The following ABCA5 variants were observed in gnomAD, a reference collection of about 807,000 sequenced individuals.
ABCA5 encodes the protein cholesterol transporter ABCA5.
A neutral mutation model predicts 206.0 loss-of-function variants in ABCA5; 163 were observed. That is an observed-to-expected ratio of 0.79 (90% CI 0.70 to 0.90). The LOEUF (loss-of-function observed/expected upper bound fraction) is 0.90, where lower values mean the gene tolerates loss of function less well. Ranked by LOEUF, ABCA5 falls within the 40% of genes least tolerant of loss-of-function variation. The pLI is 0.00. For missense variants in ABCA5, 1,859 were observed against 1,912.9 expected (o/e 0.97, Z 0.53); for synonymous variants, 609 against 613.8 (o/e 0.99, Z 0.11).
rs769897421 is a variant in ABCA5, at chr17:69,260,362, A to G, written c.3615T>C (p.Asp1205=). ...CCGATATAACAGCTACTGAAAGCCT[A>G]TCCCATGGATTATAGGTGTCCACAT... ...RKNVDTYNPW[D]RLSVAVISPY... The change falls in exon 27 of 39, where the codon GAT becomes GAC. Residue 1205 remains aspartate, a synonymous_variant. Transcript: ENST00000392676. 6.2e-7 allele frequency: 1 copy of G among 1,607,862 alleles called. No homozygotes were observed. The highest frequency in any genetic ancestry group is 1.7e-5 in the Admixed American group (1 of 59,384).
At chr17:69,316,972 T>C (rs1035630665) in intron 1 of ABCA5, 6 of 152,208 alleles carry the variant, frequency 3.9e-5, no homozygotes, top group African/African-American at 1.4e-4. Context: ...AGGACTCAAT[T>C]GAGTACATGT....
At chr17:69,289,087 T>C (rs1036019895) in intron 14 of ABCA5, 90 bp downstream of exon 14, 58 of 1,300,126 alleles carry the variant, frequency 4.5e-5, no homozygotes, top group Non-Finnish European at 5.9e-5. Context: ...ACACTTAACC[T>C]TTACATAATG....
chr17:69,266,666 A>C (rs2075212771), intron 23 of ABCA5, among the ~76,000 whole-genome samples: 1 of 148,624 alleles, frequency 6.7e-6, no homozygotes, highest in Non-Finnish European at 1.5e-5. Context: ...AACAAGAAAG[A>C]AAATGCAAAT....
chr17:69,309,557 A>G, intron 3 of ABCA5, 134 bp from the exon 4 acceptor site: 1 of 698,686 alleles, frequency 1.4e-6, no homozygotes, highest in South Asian at 3.3e-5. Flanking sequence ...AAAAAATGAA[A>G]ACAGTCCAAG....
rs1399512246 is a variant in ABCA5 at position 69,326,857 on chromosome 17, G to A, written c.-16+195C>T. Among the ~76,000 whole-genome samples, 2 of 151,966 alleles carry A rather than the reference G, an allele frequency of 1.3e-5. No homozygotes were observed. The highest frequency in any genetic ancestry group is 4.2e-4 in the South Asian group (2 of 4,814). On this transcript the variant is annotated intron_variant, in intron 1 of 38. Coordinates refer to ENST00000392676, the MANE Select transcript of ABCA5 (RefSeq NM_172232.4). This position sits in a 1 kb window ranked among gnomAD's most constrained non-coding sequence, Gnocchi z 4.8. ...GCAACCCGCGCTTCCCGGGAGCTGA[G>A]GGAGGTCTGTTTCCCTCAGCTCGCC...
intron 8 of ABCA5, 64 bp from the exon 9 acceptor site, chr17:69,301,350 A>G (rs370531742): frequency 7.1e-7 from 1 of 1,405,302 alleles, no homozygotes; most frequent in Non-Finnish European, 9.6e-7. Context: ...AGCTAACACT[A>G]CTTAAGAGTT....
At chr17:69,290,307 C>A (rs945007154) in intron 12 of ABCA5, among the ~76,000 whole-genome samples, 1 of 152,050 alleles carries the variant, frequency 6.6e-6, no homozygotes, top group Non-Finnish European at 1.5e-5. Context: ...TCTATTGATA[C>A]ACTATTTACA....
intron 1 of ABCA5, among the ~76,000 whole-genome samples, chr17:69,318,491 T>G (rs2075836248): frequency 6.6e-6 from 1 of 152,194 alleles, no homozygotes; most frequent in Admixed American, 6.5e-5. Flanking sequence ...GAAGGAAGAC[T>G]GGAAAGAACT....
chr17:69,301,089 C>G (rs762869367), intron 9 of ABCA5, 50 bp downstream of exon 9: 1 of 1,469,922 alleles, frequency 6.8e-7, no homozygotes, highest in Non-Finnish European at 9.0e-7. Flanking sequence ...CCTATGTGGG[C>G]AAAAAAGCCT....
chr17:69,274,527 A>G (rs1447179787), intron 19 of ABCA5, among the ~76,000 whole-genome samples: 2 of 151,608 alleles, frequency 1.3e-5, no homozygotes, highest in Admixed American at 6.6e-5. Flanking sequence ...ACCAGCCTAC[A>G]TTGGTATAGA....
At chr17:69,302,153 C>T (rs539951733) in intron 8 of ABCA5, among the ~76,000 whole-genome samples, 5 of 152,100 alleles carry the variant, frequency 3.3e-5, no homozygotes, top group South Asian at 4.1e-4. Flanking sequence ...ATTCATGTTC[C>T]ACTACAAAGC....
chr17:69,308,217 G>T, intron 5 of ABCA5, 63 bp downstream of exon 5: 2 of 1,103,428 alleles, frequency 1.8e-6, no homozygotes, highest in Non-Finnish European at 2.7e-6. Flanking sequence ...CTATTGTAAA[G>T]AATAAGGAAA....
At chr17:69,312,624 A>C (rs1199577420) in intron 3 of ABCA5, among the ~76,000 whole-genome samples, 1 of 152,066 alleles carries the variant, frequency 6.6e-6, no homozygotes, top group African/African-American at 2.4e-5. Context: ...GCCCAGAGTA[A>C]GGAGTGCTGG....
intron 17 of ABCA5, chr17:69,285,335 T>A (rs1468736588): frequency 1.3e-5 from 2 of 152,002 alleles, no homozygotes; most frequent in Admixed American, 6.6e-5. Flanking sequence ...AAAAAACAAG[T>A]ATTTTTCTGA....
intron 3 of ABCA5, among the ~76,000 whole-genome samples, chr17:69,311,513 T>C (rs2075769483): frequency 6.6e-6 from 1 of 152,174 alleles, no homozygotes; most frequent in African/African-American, 2.4e-5. Context: ...TTTTGAGATA[T>C]TGAGTGTTGC....
At chr17:69,257,353 CAAAAAAA>C (rs542087331) in intron 28 of ABCA5, among the ~76,000 whole-genome samples, 3 of 54,920 alleles carry the variant, frequency 5.5e-5, no homozygotes, top group South Asian at 6.3e-4. Context: ...GATTCCATCT[CAAAAAAA>C]AAAAAAAAAA....
At chr17:69,266,417 T>C (rs984150791) in intron 23 of ABCA5, among the ~76,000 whole-genome samples, 1 of 152,046 alleles carries the variant, frequency 6.6e-6, no homozygotes, top group African/African-American at 2.4e-5. Context: ...CTCTGTCATT[T>C]CTAACAAACA....
chr17:69,256,130 A>G (rs753729084), intron 29 of ABCA5, 27 bp downstream of exon 29: 3 of 1,532,408 alleles, frequency 2.0e-6, no homozygotes, highest in East Asian at 2.4e-5. Flanking sequence ...CATATTTACT[A>G]TGACTTAGCC....
intron 1 of ABCA5, among the ~76,000 whole-genome samples, chr17:69,321,714 A>G (rs1406458395): frequency 6.6e-6 from 1 of 152,170 alleles, no homozygotes; most frequent in East Asian, 1.9e-4. Context: ...AACAAAGCCA[A>G]TTCTTAGCTG....
Sources: gnomAD v4.1 joint callset for allele counts (sites outside exome capture counted in the v4.1 genomes callset) on GRCh38, gnomAD v4.1.1 for gene constraint, Gnocchi (gnomAD v3.1) non-coding constraint, MANE v1.5 for transcripts, NCBI Gene and HGNC (gene_info 2026-07-23, HGNC 2026-07-21) for gene names.